SHLD1: variants seen among roughly 807,000 people sequenced by gnomAD.
SHLD1 encodes the protein RINN1-REV7-interacting novel NHEJ regulator 3.
A neutral mutation model predicts 5.5 loss-of-function variants in SHLD1; 3 were observed. That is an observed-to-expected ratio of 0.54 (90% CI 0.25 to 1.40). The LOEUF is 1.40. Among genes scored for constraint, SHLD1 ranks in the 40% most tolerant of loss-of-function variants. SHLD1 has a pLI of 0.15. For synonymous variants in SHLD1, 92 were observed against 94.3 expected, an observed-to-expected ratio of 0.98 and a Z score of 0.14; for missense variants, 210 against 244.4, an observed-to-expected ratio of 0.86 and a Z score of 0.94.
At chr20:5,756,797 G>C (rs1984138440) in intron 1 of SHLD1, 1 of 293,090 alleles carries the variant, frequency 3.4e-6, no homozygotes, top group Non-Finnish European at 6.9e-6. Flanking sequence ...GCTTCCCAAA[G>C]TGTTGGGATT....
chr20:5,780,466 G>A (rs1321171892), intron 2 of SHLD1, among the ~76,000 whole-genome samples: 2 of 152,148 alleles, frequency 1.3e-5, no homozygotes, highest in Admixed American at 1.3e-4. Context: ...CAGTGTGCAG[G>A]TGCCTTCTCA....
intron 1 of SHLD1, chr20:5,765,160 G>A (rs1244716916): frequency 1.3e-5 from 2 of 151,868 alleles, no homozygotes; most frequent in African/African-American, 4.8e-5. Context: ...TCCCAACTTG[G>A]CCTCGCAAAG....
intron 2 of SHLD1, among the ~76,000 whole-genome samples, chr20:5,807,869 G>T (rs1010654916): frequency 6.6e-5 from 10 of 152,140 alleles, no homozygotes; most frequent in South Asian, 2.1e-4. Context: ...CCCCAGGTGG[G>T]TATATGTATC....
At chr20:5,856,674 C>A (rs982994839) in intron 2 of SHLD1, among the ~76,000 whole-genome samples, 2 of 152,178 alleles carry the variant, frequency 1.3e-5, no homozygotes, top group African/African-American at 4.8e-5. Flanking sequence ...GATAAGTGAT[C>A]ATTGATGACC....
intron 2 of SHLD1, among the ~76,000 whole-genome samples, chr20:5,811,151 GAAAAGGCTT>G (rs2087453386): frequency 6.6e-6 from 1 of 152,146 alleles, no homozygotes. Context: ...AGCCAGGCAG[GAAAAGGCTT>G]ATTCTCTCCA....
chr20:5,771,106 A>T (rs1168259081), intron 1 of SHLD1, among the ~76,000 whole-genome samples: 1 of 152,186 alleles, frequency 6.6e-6, no homozygotes, highest in Non-Finnish European at 1.5e-5. Flanking sequence ...TGCTCTGTAC[A>T]CTATGCTTAG....
At chr20:5,772,112 G>C in intron 1 of SHLD1, 2 of 436,366 alleles carry the variant, frequency 4.6e-6, no homozygotes, top group South Asian at 3.2e-5. Context: ...CTGACCTCAG[G>C]TGATCCACCC....
chr20:5,794,019 C>G (rs1054452170), intron 2 of SHLD1, among the ~76,000 whole-genome samples: 10 of 150,552 alleles, frequency 6.6e-5, no homozygotes, highest in African/African-American at 2.2e-4. Context: ...CCCTTTCTCT[C>G]TGGTTTTAGA....
chr20:5,812,875 T>G (rs1400588302), intron 2 of SHLD1, among the ~76,000 whole-genome samples: 1 of 151,974 alleles, frequency 6.6e-6, no homozygotes, highest in Admixed American at 6.6e-5. Flanking sequence ...TTTTTATTTT[T>G]ATTTTTATTT....
chr20:5,792,330 G>A (rs2087152789), intron 2 of SHLD1, among the ~76,000 whole-genome samples: 2 of 152,072 alleles, frequency 1.3e-5, no homozygotes, highest in South Asian at 4.1e-4. Context: ...TAGGGCTTAT[G>A]TTTAGGTCTT....
At chr20:5,789,925 C>A (rs1353047431) in intron 2 of SHLD1, among the ~76,000 whole-genome samples, 2 of 152,138 alleles carry the variant, frequency 1.3e-5, no homozygotes, top group Non-Finnish European at 2.9e-5. Flanking sequence ...TCCAACATGA[C>A]CAGGAAAGCC....
chr20:5,805,830 A>G (rs944490874), intron 2 of SHLD1, among the ~76,000 whole-genome samples: 3 of 151,884 alleles, frequency 2.0e-5, no homozygotes, highest in African/African-American at 4.8e-5. Flanking sequence ...CAAACTCCCA[A>G]CCTCAGGTGA....
intron 2 of SHLD1, among the ~76,000 whole-genome samples, chr20:5,822,949 C>T (rs971487523): frequency 9.2e-5 from 14 of 152,018 alleles, no homozygotes; most frequent in East Asian, 3.9e-4. Context: ...CTTACCTTCC[C>T]GATTTCTCTC....
chr20:5,817,300 A>C (rs2087542095), intron 2 of SHLD1, among the ~76,000 whole-genome samples: 1 of 152,100 alleles, frequency 6.6e-6, no homozygotes, highest in Admixed American at 6.6e-5. Flanking sequence ...CTGCCTTTTT[A>C]TAAAAAGTAT....
intron 2 of SHLD1, among the ~76,000 whole-genome samples, chr20:5,815,484 C>T (rs2087517596): frequency 6.6e-6 from 1 of 152,190 alleles, no homozygotes; most frequent in African/African-American, 2.4e-5. Flanking sequence ...AGTCAGCAGC[C>T]TCTGGCCTGT....
At chr20:5,756,689 C>CTTT (rs35462391) in intron 1 of SHLD1, 50 of 80,346 alleles carry the variant, frequency 6.2e-4, no homozygotes, top group South Asian at 1.2e-3. Context: ...TTCTTTCTTT[C>CTTT]TTTTTTTTTT....
intron 2 of SHLD1, among the ~76,000 whole-genome samples, chr20:5,798,617 CTTTT>C (rs35976290): frequency 7.3e-6 from 1 of 136,824 alleles, no homozygotes; most frequent in Admixed American, 7.4e-5. Flanking sequence ...TTTTAGTTTT[CTTTT>C]TTTTTTTTTT....
In SHLD1 at chr20:5,806,148, A is replaced by T. The variant is rs2122355650; in HGVS notation, c.178+33105A>T. Among the ~76,000 whole-genome samples, 1 of 152,280 alleles carries T rather than the reference A, an allele frequency of 6.6e-6. No individual in the cohort carries two copies. Among genetic ancestry groups the T allele is most frequent in the South Asian group, 2.1e-4 (1 of 4,834 alleles). ...CCAAAATGTTGGGATAATAGGTGTG[A>T]GCTACCACATCTGGCTGCTTTATAA... On this transcript the variant is annotated intron_variant, in intron 2 of 2. Coordinates refer to ENST00000303142, the MANE Select transcript of SHLD1 (RefSeq NM_152504.4). The surrounding 1 kb of genome is among the most constrained non-coding windows in gnomAD (Gnocchi z 7.6).
At chr20:5,847,025 G>A (rs1378416324) in intron 2 of SHLD1, among the ~76,000 whole-genome samples, 2 of 151,880 alleles carry the variant, frequency 1.3e-5, no homozygotes, top group African/African-American at 2.4e-5. Flanking sequence ...TCCCCTGCTC[G>A]GCCCATCATC....
Sources: allele counts gnomAD v4.1 joint callset (sites outside exome capture counted in the v4.1 genomes callset), GRCh38; gene constraint gnomAD v4.1.1; non-coding constraint Gnocchi (gnomAD v3.1); transcripts MANE v1.5; gene names NCBI Gene and HGNC (gene_info 2026-07-23, HGNC 2026-07-21).